The following KIAA1549L variants were observed in gnomAD, a reference collection of about 807,000 sequenced individuals.
The protein encoded by KIAA1549L is KIAA1549 like, also known as UPF0606 protein KIAA1549L.
A neutral mutation model predicts 160.7 loss-of-function variants in KIAA1549L; 88 were observed. That is an observed-to-expected ratio of 0.55 (90% CI 0.46 to 0.65). The LOEUF (loss-of-function observed/expected upper bound fraction) is 0.65, where lower values mean the gene tolerates loss of function less well. Ranked by LOEUF, KIAA1549L falls within the 30% of genes least tolerant of loss-of-function variation. The pLI, the probability that KIAA1549L is intolerant of heterozygous loss-of-function variation, is 0.00. For synonymous variants in KIAA1549L, 950 were observed against 976.7 expected, an observed-to-expected ratio of 0.97 and a Z score of 0.51; for missense variants, 2,258 against 2,437.5, an observed-to-expected ratio of 0.93 and a Z score of 1.55.
intron 1 of KIAA1549L, among the ~76,000 whole-genome samples, chr11:33,444,823 G>A (rs537955389): frequency 3.2e-4 from 49 of 152,288 alleles, no homozygotes; most frequent in East Asian, 9.7e-4. Context: ...GGTGGCCCCC[G>A]GTTCAGGTGT....
At chr11:33,544,447 A>G (rs1161621071) in intron 2 of KIAA1549L, 111 bp downstream of exon 2, 1 of 1,169,974 alleles carries the variant, frequency 8.5e-7, no homozygotes, top group African/African-American at 1.5e-5. Context: ...TTTGCTCTGA[A>G]GGAGCTCATA....
rs139541214 is a variant in KIAA1549L at position 33,505,703 on chromosome 11, A to G, written c.239-36099A>G. 2.2e-4 allele frequency among the ~76,000 whole-genome samples: 34 copies of G among 152,242 alleles called. No homozygotes were observed. In the East Asian group the frequency reaches 6.4e-3, roughly 29 times the overall value. On this transcript the variant is annotated intron_variant, in intron 1 of 20. Transcript: ENST00000658780. ...CACCATCTGTGCTCTCTGGGAGGTT[A>G]ATGTAGCAATATTTGTAACAATTAG...
intron 1 of KIAA1549L, among the ~76,000 whole-genome samples, chr11:33,390,939 A>G (rs1850261127): frequency 1.3e-5 from 2 of 152,132 alleles, no homozygotes; most frequent in African/African-American, 2.4e-5. Flanking sequence ...CTATCCATAT[A>G]TGGGCTAGAG....
intron 1 of KIAA1549L, among the ~76,000 whole-genome samples, chr11:33,419,490 T>C (rs797015478): frequency 3.9e-5 from 6 of 152,340 alleles, no homozygotes; most frequent in African/African-American, 1.4e-4. Context: ...TCTTTGGGAT[T>C]TCCCCCCGTC....
At position 33,626,401 on chromosome 11, in the gene KIAA1549L, A is replaced by G. The variant is rs1158518189; in HGVS notation, c.5409+7739A>G. 7.4e-5 allele frequency among the ~76,000 whole-genome samples: 11 copies of G among 148,602 alleles called. No individual in the cohort carries two copies. The South Asian group carries it at 1.5e-3, about 20-fold the overall frequency. On this transcript the variant is annotated intron_variant, in intron 16 of 20. Transcript: ENST00000658780. ...TTCTTCCTACCCATGAGCATGGAAT[A>G]TTCTTCCATTTGTTTGTATCCTCTT...
intron 1 of KIAA1549L, among the ~76,000 whole-genome samples, chr11:33,419,860 A>T (rs966169700): frequency 1.9e-5 from 1 of 53,132 alleles, no homozygotes; most frequent in African/African-American, 1.0e-4. Context: ...AAAATGTTAT[A>T]CATACATACA....
At chr11:33,610,722 C>G (rs1850627063) in intron 15 of KIAA1549L, among the ~76,000 whole-genome samples, 2 of 152,170 alleles carry the variant, frequency 1.3e-5, no homozygotes, top group Non-Finnish European at 2.9e-5. Context: ...AAGGGCTAAG[C>G]CAGATGGTTT....
intron 11 of KIAA1549L, among the ~76,000 whole-genome samples, chr11:33,590,892 T>C (rs568374568): frequency 3.1e-4 from 47 of 152,362 alleles, no homozygotes; most frequent in African/African-American, 1.1e-3. Context: ...AGGACCTGTT[T>C]AATGTATTAA....
chr11:33,620,186 T>G (rs1053234247), intron 16 of KIAA1549L, among the ~76,000 whole-genome samples: 1 of 152,232 alleles, frequency 6.6e-6, no homozygotes, highest in African/African-American at 2.4e-5. Context: ...AATGTCATGT[T>G]AGCAACTTAC....
In KIAA1549L at chr11:33,610,899, A is replaced by G. The variant is rs544478035; in HGVS notation, c.5279+933A>G. On this transcript the variant is annotated intron_variant, in intron 15 of 20. Coordinates refer to ENST00000658780, the MANE Select transcript of KIAA1549L (RefSeq NM_012194.3). ...CCTCCTTGCTGCATCATCCCATGGC[A>G]GAAGGCAGAGGGCAAAGAGAGAGCA... Among the ~76,000 whole-genome samples, 6 of 152,350 alleles carry G rather than the reference A, an allele frequency of 3.9e-5. No individual in the cohort carries two copies. The East Asian group carries it at 1.2e-3, about 29-fold the overall frequency.
chr11:33,552,206 A>C lies in KIAA1549L; in HGVS notation c.3820A>C (p.Lys1274Gln). The C allele has an allele frequency of 1.2e-6, 2 of 1,607,288 alleles. No homozygotes were observed. Among genetic ancestry groups the C allele is most frequent in the Non-Finnish European group, 1.7e-6 (2 of 1,176,670 alleles). ...GAAGGCATTCCAGGATGCCGAGAGG[A>C]AAGTCCTGAATACCAAAAGCAACTT... ...LQKAFQDAER[K>Q]VLNTKSNLTI... is the part of the protein sequence containing the mutation. Residue 1274 changes from lysine (K) to glutamine (Q), a missense_variant, in exon 6 of 21, where the codon AAA becomes CAA. This residue lies in a region of KIAA1549L where 1,359 missense variants were observed against 1,546.6 expected (regional missense o/e 0.88). Transcript: ENST00000658780.
At chr11:33,394,252 G>C (rs1850325299) in intron 1 of KIAA1549L, among the ~76,000 whole-genome samples, 1 of 152,012 alleles carries the variant, frequency 6.6e-6, no homozygotes. Context: ...TTGGTGTGGT[G>C]GTGTGCACCT....
chr11:33,532,691 C>T (rs1853801771), intron 1 of KIAA1549L, among the ~76,000 whole-genome samples: 1 of 152,158 alleles, frequency 6.6e-6, no homozygotes, highest in African/African-American at 2.4e-5. Context: ...AGTTTGGCAT[C>T]TCCATGAATG....
At position 33,461,615 on chromosome 11, in the gene KIAA1549L, C is replaced by T. The variant is rs539363361; in HGVS notation, c.239-80187C>T. 7.9e-5 allele frequency among the ~76,000 whole-genome samples: 12 copies of T among 152,288 alleles called. No individual in the cohort carries two copies. In the East Asian group the frequency reaches 1.5e-3, roughly 20 times the overall value. On this transcript the variant is annotated intron_variant, in intron 1 of 20. Coordinates refer to ENST00000658780, the MANE Select transcript of KIAA1549L (RefSeq NM_012194.3). ...TTCACACCTGTGCAGCCTTTTCTCC[C>T]AAAGGACCTGTATGTTGCTATTGCT...
At chr11:33,433,797 A>G (rs571625945) in intron 1 of KIAA1549L, among the ~76,000 whole-genome samples, 25 of 152,322 alleles carry the variant, frequency 1.6e-4, no homozygotes, top group African/African-American at 5.8e-4. Flanking sequence ...AGAGACTTAG[A>G]TGAAGCTGGA....
intron 13 of KIAA1549L, among the ~76,000 whole-genome samples, chr11:33,601,135 G>T (rs1200825419): frequency 6.6e-6 from 1 of 152,160 alleles, no homozygotes; most frequent in Non-Finnish European, 1.5e-5. Flanking sequence ...GTTTTTGCTT[G>T]TTTGCTCTAT....
intron 1 of KIAA1549L, among the ~76,000 whole-genome samples, chr11:33,405,732 C>G (rs1386718348): frequency 6.7e-6 from 1 of 148,812 alleles, no homozygotes; most frequent in Non-Finnish European, 1.5e-5. Flanking sequence ...GTCCCAGCTA[C>G]TCAATAGGCT....
At chr11:33,488,338 A>G (rs541696908) in intron 1 of KIAA1549L, among the ~76,000 whole-genome samples, 2 of 152,340 alleles carry the variant, frequency 1.3e-5, no homozygotes, top group African/African-American at 4.8e-5. Context: ...TCTTGAAGAA[A>G]AAATATTAAA....
Position 33,454,585 on chromosome 11 carries a change from G to A in KIAA1549L, c.238+77696G>A, listed in dbSNP as rs74361396. Among the ~76,000 whole-genome samples the A allele has an allele frequency of 7.0e-3, 1,067 of 152,244 alleles. 10 individuals are homozygous for A. The highest frequency in any genetic ancestry group is 0.025 in the African/African-American group (1,022 of 41,544). On this transcript the variant is annotated intron_variant, in intron 1 of 20. Transcript: ENST00000658780. ...TCTGATAGCCTGTGTTTATAACAGT[G>A]ACCCTGAGGCCTTCAGGGAAGATTA...
Sources: gnomAD v4.1 joint callset for allele counts (sites outside exome capture counted in the v4.1 genomes callset) on GRCh38, gnomAD v4.1.1 for gene constraint, gnomAD v4.1.1 regional missense constraint, MANE v1.5 for transcripts, NCBI Gene and HGNC (gene_info 2026-07-23, HGNC 2026-07-21) for gene names.